The following TVP23C variants were observed in gnomAD, a reference collection of about 807,000 sequenced individuals.
TVP23C encodes the protein Golgi apparatus membrane protein TVP23 homolog C.
A neutral mutation model predicts 28.7 loss-of-function variants in TVP23C; 19 were observed. The observed-to-expected ratio is 0.66, with a 90% confidence interval of 0.46 to 0.97. The LOEUF (loss-of-function observed/expected upper bound fraction) is 0.97, where lower values mean the gene tolerates loss of function less well. Ranked by LOEUF, TVP23C falls within the 50% of genes least tolerant of loss-of-function variation. The probability of loss-of-function intolerance (pLI) is 0.00; values close to 1 mark genes in which losing one functional copy is unlikely to be tolerated. For missense variants in TVP23C, 186 were observed against 241.3 expected, an observed-to-expected ratio of 0.77 and a Z score of 1.52; for synonymous variants, 68 against 81.7, an observed-to-expected ratio of 0.83 and a Z score of 0.90.
At chr17:15,509,160 T>C (rs1981897379) in intron 5 of TVP23C, among the ~76,000 whole-genome samples, 1 of 152,208 alleles carries the variant, frequency 6.6e-6, no homozygotes. Flanking sequence ...TGATCTGGTT[T>C]CAGGGAGGTT....
chr17:15,540,609 C>G (rs1337993438), intron 5 of TVP23C, 48 bp from the exon 6 acceptor site: 1 of 1,594,424 alleles, frequency 6.3e-7, no homozygotes, highest in Non-Finnish European at 8.6e-7. Context: ...CTGAAATTGA[C>G]CTTTCTCTGT....
intron 5 of TVP23C, among the ~76,000 whole-genome samples, chr17:15,525,676 G>A (rs1982690700): frequency 1.3e-5 from 2 of 152,182 alleles, no homozygotes; most frequent in Admixed American, 6.5e-5. Context: ...GTGTGTGTGT[G>A]TGTGCATGTG....
chr17:15,552,674 A>C (rs1406186909), intron 3 of TVP23C, among the ~76,000 whole-genome samples: 2 of 151,876 alleles, frequency 1.3e-5, no homozygotes, highest in African/African-American at 4.8e-5. Flanking sequence ...ACAAAAGTGA[A>C]ACTCCGTCTC....
intron 5 of TVP23C, among the ~76,000 whole-genome samples, chr17:15,517,546 G>C (rs1982282458): frequency 6.6e-6 from 1 of 152,182 alleles, no homozygotes; most frequent in Non-Finnish European, 1.5e-5. Context: ...TCATCAAGTT[G>C]TTATGAGCAT....
chr17:15,510,137 G>A (rs1465353740), intron 5 of TVP23C, among the ~76,000 whole-genome samples: 1 of 152,190 alleles, frequency 6.6e-6, no homozygotes, highest in African/African-American at 2.4e-5. Context: ...AATTGTGTTT[G>A]ATTTGCAGCA....
Position 15,540,588 on chromosome 17 carries a change from C to T in TVP23C, c.463-27G>A, listed in dbSNP as rs766259774. The T allele has an allele frequency of 5.1e-5, 82 of 1,610,264 alleles. No individual in the cohort carries two copies. The East Asian group carries it at 5.1e-4, about 10-fold the overall frequency. On this transcript the variant is annotated intron_variant, in intron 5 of 5. Coordinates refer to ENST00000518321, the MANE Select transcript of TVP23C (RefSeq NM_001135036.2). Reference sequence around the variant, plus strand: ...TGGGACAAGGGAAAAAAATAATCAACGGTTACTGGCCTGAAATTGACCTTT... The same window carrying T: ...TGGGACAAGGGAAAAAAATAATCAATGGTTACTGGCCTGAAATTGACCTTT...
chr17:15,531,511 T>A (rs771442536), intron 5 of TVP23C, among the ~76,000 whole-genome samples: 17 of 152,182 alleles, frequency 1.1e-4, no homozygotes, highest in Non-Finnish European at 2.2e-4. Context: ...TTCCTCGGAC[T>A]GGATAATTAC....
At chr17:15,527,077 G>C (rs145094495) in intron 5 of TVP23C, among the ~76,000 whole-genome samples, 2,764 of 152,242 alleles carry the variant, frequency 0.018, 89 homozygotes, top group African/African-American at 0.062. Context: ...CAAGAAATCA[G>C]GAGCGAGAGG....
rs1333762702 is a variant in TVP23C, at chr17:15,555,216, C to T, written c.95+66G>A. 1.9e-6 allele frequency: 3 copies of T among 1,605,780 alleles called. No individual in the cohort carries two copies. In the East Asian group the frequency reaches 6.7e-5, roughly 36 times the overall value. On this transcript the variant is annotated intron_variant, in intron 2 of 5. Transcript: ENST00000518321. ...ACAACTCTGCCTTGACTCCCATCAG[C>T]TAGCACTGACATACATACAGAACAA...
At chr17:15,502,700 G>A (rs771806102) in exon 6 of TVP23C, 4 of 1,169,482 alleles carry the variant, frequency 3.4e-6, no homozygotes, top group Non-Finnish European at 4.5e-6. Flanking sequence ...TTCCCTGTTC[G>A]TTCGTTCTTT....
intron 1 of TVP23C, among the ~76,000 whole-genome samples, chr17:15,557,037 C>T (rs1218068659): frequency 6.7e-6 from 1 of 149,580 alleles, no homozygotes; most frequent in Non-Finnish European, 1.5e-5. Flanking sequence ...TCTCTCCCAT[C>T]TCCTGCCTTT....
chr17:15,503,952 C>T (rs542602482), intron 5 of TVP23C, among the ~76,000 whole-genome samples: 4 of 152,086 alleles, frequency 2.6e-5, no homozygotes, highest in African/African-American at 7.2e-5. Flanking sequence ...GAATGAAGTT[C>T]CAAAGCCAGG....
At chr17:15,503,425 C>T (rs1285018187) in intron 5 of TVP23C, 11 of 633,238 alleles carry the variant, frequency 1.7e-5, no homozygotes, top group African/African-American at 3.7e-5. Flanking sequence ...GTCCTTGAGG[C>T]AAAAGGTGAC....
At chr17:15,554,420 G>T (rs563660009) in intron 2 of TVP23C, among the ~76,000 whole-genome samples, 8 of 151,950 alleles carry the variant, frequency 5.3e-5, no homozygotes, top group African/African-American at 1.9e-4. Flanking sequence ...TGTATTTTTA[G>T]TAGAGATGGG....
chr17:15,546,202 T>A (rs1455101864), intron 4 of TVP23C, among the ~76,000 whole-genome samples: 1 of 152,154 alleles, frequency 6.6e-6, no homozygotes, highest in Non-Finnish European at 1.5e-5. Context: ...CTTGCACTTG[T>A]ACTATTTATT....
intron 5 of TVP23C, among the ~76,000 whole-genome samples, chr17:15,524,277 G>C (rs942841081): frequency 2.0e-5 from 3 of 152,018 alleles, no homozygotes; most frequent in Non-Finnish European, 4.4e-5. Flanking sequence ...AATTCATTGA[G>C]AGTACCATTT....
chr17:15,518,533 T>A (rs1354195927), intron 5 of TVP23C, among the ~76,000 whole-genome samples: 7 of 152,222 alleles, frequency 4.6e-5, no homozygotes, highest in Admixed American at 4.6e-4. Context: ...CAAAGTAGAC[T>A]GTGACTAGGA....
At position 15,539,168 on chromosome 17, in the gene TVP23C, T is replaced by C; in HGVS notation, c.*1244A>G. 3.2e-6 allele frequency: 3 copies of C among 951,918 alleles called. No homozygotes were observed. Among genetic ancestry groups the C allele is most frequent in the Non-Finnish European group, 3.8e-6 (3 of 799,518 alleles). The allele number at this position is 951,918 out of a possible 1,614,324, so 59.0% of individuals were successfully genotyped here. ...TATGAGACTCCACCCCCAGATCTAC[T>C]GAATAAGGAGTCTGGAGGTGGAACC... On this transcript the variant is annotated 3_prime_UTR_variant, in exon 6 of 6. Coordinates refer to ENST00000518321, the MANE Select transcript of TVP23C (RefSeq NM_001135036.2).
At position 15,562,033 on chromosome 17, in the gene TVP23C, G is replaced by C. The variant is rs145407803; in HGVS notation, c.12+1404C>G. Among the ~76,000 whole-genome samples, 173 of 152,260 alleles carry C rather than the reference G, an allele frequency of 1.1e-3. 8 individuals are homozygous for C. The East Asian group carries it at 0.017, about 15-fold the overall frequency. On this transcript the variant is annotated intron_variant, in intron 1 of 5. Transcript: ENST00000518321. The stretch of plus-strand genomic sequence containing the variant: ...GCAACATCAGGAAGTTACTCTCTAT[G>C]ATCTAAAAGGGGAGGAATGAATAAT...
Sources: allele counts gnomAD v4.1 joint callset (sites outside exome capture counted in the v4.1 genomes callset), GRCh38; gene constraint gnomAD v4.1.1; transcripts MANE v1.5; gene names NCBI Gene and HGNC (gene_info 2026-07-23, HGNC 2026-07-21).